SPMIP11: variants seen among roughly 807,000 people sequenced by gnomAD.
The protein encoded by SPMIP11 is sperm microtubule inner protein 11, also known as long intergenic non-protein coding RNA 935.
chr12:48,765,482 G>A, the SPMIP11 span: 25,442 of 635,126 alleles, frequency 0.04, 647 homozygotes, highest in Non-Finnish European at 0.052. Context: ...ACCCGCCAGG[G>A]CCTCCCAAAG....
chr12:48,753,645 T>A, the SPMIP11 span, among the ~76,000 whole-genome samples: 2 of 150,548 alleles, frequency 1.3e-5, no homozygotes, highest in Non-Finnish European at 3.0e-5. Flanking sequence ...ATTCTTAGAC[T>A]CCAGCAGAGG....
the SPMIP11 span, among the ~76,000 whole-genome samples, chr12:48,730,531 C>T: frequency 1.2e-4 from 18 of 152,322 alleles, no homozygotes; most frequent in African/African-American, 4.1e-4. Flanking sequence ...TAAACAACTA[C>T]TTATTATGCA....
the SPMIP11 span, among the ~76,000 whole-genome samples, chr12:48,753,795 C>T: frequency 2.0e-5 from 3 of 151,376 alleles, no homozygotes; most frequent in Non-Finnish European, 2.9e-5. Context: ...TCTGCCCCCC[C>T]GGGTTCAAGT....
At chr12:48,753,744 C>G in the SPMIP11 span, among the ~76,000 whole-genome samples, 1 of 148,310 alleles carries the variant, frequency 6.7e-6, no homozygotes, top group Non-Finnish European at 1.5e-5. Context: ...CTCTGTCGCC[C>G]AGGCTGGAGT....
chr12:48,749,184 C>T, the SPMIP11 span, among the ~76,000 whole-genome samples: 2 of 151,204 alleles, frequency 1.3e-5, no homozygotes, highest in Admixed American at 1.3e-4. Flanking sequence ...ATCGCTTGAA[C>T]CTGGGAGGCA....
chr12:48,734,903 G>T, the SPMIP11 span, among the ~76,000 whole-genome samples: 2 of 151,218 alleles, frequency 1.3e-5, no homozygotes, highest in East Asian at 3.9e-4. Flanking sequence ...TACTCGGGAG[G>T]CTGAGGCAGG....
the SPMIP11 span, among the ~76,000 whole-genome samples, chr12:48,737,453 C>G: frequency 4.2e-4 from 59 of 141,514 alleles, no homozygotes; most frequent in Middle Eastern, 7.6e-3. Context: ...TCACTCTTAT[C>G]ACCCAGGCAG....
the SPMIP11 span, among the ~76,000 whole-genome samples, chr12:48,730,445 G>A: frequency 1.3e-5 from 2 of 152,136 alleles, no homozygotes; most frequent in South Asian, 2.1e-4. Context: ...AGTTACTCTC[G>A]CAAAATATGG....
the SPMIP11 span, among the ~76,000 whole-genome samples, chr12:48,754,017 A>G: frequency 5.5e-3 from 838 of 151,452 alleles, 7 homozygotes; most frequent in African/African-American, 0.018. Context: ...AAACAGGAGC[A>G]TAAGTGGCAC....
chr12:48,751,136 C>T, the SPMIP11 span, among the ~76,000 whole-genome samples: 1 of 152,048 alleles, frequency 6.6e-6, no homozygotes, highest in African/African-American at 2.4e-5. Flanking sequence ...TCAAAAGGGC[C>T]CACTCAAGCT....
chr12:48,749,260 T>TC, the SPMIP11 span, among the ~76,000 whole-genome samples: 3 of 118,216 alleles, frequency 2.5e-5, 1 homozygote, highest in Non-Finnish European at 5.2e-5. Flanking sequence ...AGACTCAGTC[T>TC]CAAAAAAAAA....
At chr12:48,771,412 A>G in the SPMIP11 span, 1 of 540,084 alleles carries the variant, frequency 1.9e-6, no homozygotes, top group Non-Finnish European at 3.4e-6. The surrounding 1 kb of genome is among the most constrained non-coding windows in gnomAD (Gnocchi z 4.3). Flanking sequence ...GGTTCTGTCC[A>G]CAGACTATTG....
At chr12:48,735,292 A>T in the SPMIP11 span, among the ~76,000 whole-genome samples, 1 of 152,198 alleles carries the variant, frequency 6.6e-6, no homozygotes, top group South Asian at 2.1e-4. Flanking sequence ...TCCGACCTAC[A>T]GAACTGTGAG....
the SPMIP11 span, among the ~76,000 whole-genome samples, chr12:48,744,771 G>A: frequency 1.3e-5 from 2 of 148,810 alleles, no homozygotes; most frequent in African/African-American, 5.0e-5. Context: ...GGAGGAGGAA[G>A]AGGAAGAGGA....
At chr12:48,770,195 C>T in the SPMIP11 span, among the ~76,000 whole-genome samples, 2 of 151,856 alleles carry the variant, frequency 1.3e-5, no homozygotes, top group African/African-American at 2.4e-5. Flanking sequence ...TGATCCACCG[C>T]GCCCGGCATG....
chr12:48,762,190 C>G, the SPMIP11 span, among the ~76,000 whole-genome samples: 1 of 148,982 alleles, frequency 6.7e-6, no homozygotes, highest in East Asian at 2.0e-4. Context: ...TCCCGAGTAG[C>G]TGGGACTACA....
At chr12:48,758,048 G>A in the SPMIP11 span, among the ~76,000 whole-genome samples, 15 of 151,992 alleles carry the variant, frequency 9.9e-5, no homozygotes, top group Non-Finnish European at 1.8e-4. Context: ...CATACCTGTA[G>A]TCCCGGCACT....
the SPMIP11 span, among the ~76,000 whole-genome samples, chr12:48,760,664 C>T: frequency 3.9e-5 from 6 of 152,100 alleles, no homozygotes; most frequent in African/African-American, 9.7e-5. Flanking sequence ...GTAGGTGGGA[C>T]TACAGGAGTG....
chr12:48,757,748 C>T, the SPMIP11 span, among the ~76,000 whole-genome samples: 2 of 151,716 alleles, frequency 1.3e-5, no homozygotes, highest in South Asian at 2.1e-4. Flanking sequence ...AATCCCAGCA[C>T]TTTGGGAGGC....
Sources: gnomAD v4.1 joint callset for allele counts (sites outside exome capture counted in the v4.1 genomes callset) on GRCh38, gnomAD v4.1.1 for gene constraint, Gnocchi (gnomAD v3.1) non-coding constraint, MANE v1.5 for transcripts, NCBI Gene and HGNC (gene_info 2026-07-23, HGNC 2026-07-21) for gene names.